The following IL23R variants were observed in gnomAD, a reference collection of about 807,000 sequenced individuals.
IL23R encodes the protein interleukin 23 receptor, also known as interleukin-23 receptor.
A neutral mutation model predicts 56.9 loss-of-function variants in IL23R; 34 were observed. The observed-to-expected ratio is 0.60, with a 90% CI of 0.45 to 0.80. The LOEUF is 0.80. Ranked by LOEUF, IL23R falls within the 30% of genes least tolerant of loss-of-function variation. The pLI is 0.00. For synonymous variants in IL23R, 230 were observed against 249.2 expected (o/e 0.92, Z 0.73); for missense variants, 635 against 730.0 (o/e 0.87, Z 1.50).
chr1:67,264,646 G>A (rs1206110960), downstream of IL23R, among the ~76,000 whole-genome samples: 1 of 152,174 alleles, frequency 6.6e-6, no homozygotes, highest in African/African-American at 2.4e-5. Flanking sequence ...GTTATTATGT[G>A]TCTTTCCTAC....
At chr1:67,162,710 G>A (rs918003350), upstream of IL23R, among the ~76,000 whole-genome samples, 1 of 152,182 alleles carries the variant, frequency 6.6e-6, no homozygotes, top group Non-Finnish European at 1.5e-5. Context: ...TATCCAAGGA[G>A]CCCTCCCTAA....
chr1:67,236,322 C>T (rs893844141), intron 7 of IL23R, among the ~76,000 whole-genome samples: 5 of 152,196 alleles, frequency 3.3e-5, no homozygotes, highest in Non-Finnish European at 5.9e-5. Flanking sequence ...TGGGGACCCT[C>T]AAGGAAATCT....
downstream of IL23R, among the ~76,000 whole-genome samples, chr1:67,261,002 T>C (rs1444465979): frequency 6.6e-6 from 1 of 152,218 alleles, no homozygotes; most frequent in Non-Finnish European, 1.5e-5. Flanking sequence ...TTAATTTTAT[T>C]ATGAAAAATC....
At chr1:67,199,373 C>T (rs1262068712) in intron 4 of IL23R, among the ~76,000 whole-genome samples, 1 of 152,160 alleles carries the variant, frequency 6.6e-6, no homozygotes, top group Non-Finnish European at 1.5e-5. Context: ...TGACTCCTCC[C>T]CACCACTCCA....
chr1:67,156,205 C>T (rs1646768651), intron 1 of IL23R, among the ~76,000 whole-genome samples: 1 of 152,186 alleles, frequency 6.6e-6, no homozygotes, highest in Non-Finnish European at 1.5e-5. Context: ...CCAGCCAGAG[C>T]TCTCCTGTAT....
intron 2 of IL23R, among the ~76,000 whole-genome samples, chr1:67,168,671 A>G (rs977345466): frequency 2.0e-5 from 3 of 152,206 alleles, no homozygotes; most frequent in Admixed American, 2.0e-4. Flanking sequence ...AGATTGGTTG[A>G]GTAGCTAGAG....
At chr1:67,184,213 C>A (rs1417868286) in intron 4 of IL23R, among the ~76,000 whole-genome samples, 1 of 151,298 alleles carries the variant, frequency 6.6e-6, no homozygotes, top group African/African-American at 2.4e-5. Context: ...CCAGCCTGGG[C>A]GAAAGAGCGA....
chr1:67,153,032 C>T (rs1271899717), intron 1 of IL23R, among the ~76,000 whole-genome samples: 1 of 152,156 alleles, frequency 6.6e-6, no homozygotes, highest in East Asian at 1.9e-4. Context: ...GGTAGCAGCT[C>T]CTCTTTGTAC....
chr1:67,218,948 A>T (rs1027076936), intron 6 of IL23R, among the ~76,000 whole-genome samples: 4 of 151,166 alleles, frequency 2.6e-5, no homozygotes, highest in Admixed American at 1.3e-4. Flanking sequence ...TAAAATAAAA[A>T]ATATATATAT....
At chr1:67,148,182 C>G (rs1174628422) in intron 1 of IL23R, among the ~76,000 whole-genome samples, 1 of 152,252 alleles carries the variant, frequency 6.6e-6, no homozygotes, top group Non-Finnish European at 1.5e-5. Flanking sequence ...CAGTGTACAC[C>G]CTGCCGGATC....
At chr1:67,164,041 C>CA (rs945304199), upstream of IL23R, among the ~76,000 whole-genome samples, 1 of 151,792 alleles carries the variant, frequency 6.6e-6, no homozygotes, top group African/African-American at 2.4e-5. Context: ...AAAAGCTCAG[C>CA]AAAGAAAACA....
At chr1:67,148,940 G>A (rs1265678859) in intron 1 of IL23R, among the ~76,000 whole-genome samples, 1 of 152,124 alleles carries the variant, frequency 6.6e-6, no homozygotes, top group African/African-American at 2.4e-5. Context: ...ATGGAGTACA[G>A]CCACTCTAGT....
At chr1:67,204,220 C>T (rs560029678) in intron 5 of IL23R, among the ~76,000 whole-genome samples, 3 of 152,216 alleles carry the variant, frequency 2.0e-5, no homozygotes, top group East Asian at 1.9e-4. Flanking sequence ...CCAGCCACCT[C>T]GCCCCGCTAA....
chr1:67,218,354 G>GTATATATATATATA (rs776016660), intron 6 of IL23R, among the ~76,000 whole-genome samples: 14 of 128,516 alleles, frequency 1.1e-4, no homozygotes, highest in Non-Finnish European at 3.3e-5. Flanking sequence ...GTGTGTGTGT[G>GTATATATATATATA]TGTGTATATA....
intron 9 of IL23R, among the ~76,000 whole-genome samples, chr1:67,243,206 C>G (rs1238696478): frequency 6.6e-6 from 1 of 152,134 alleles, no homozygotes. Flanking sequence ...GTGCATAGCA[C>G]TGATAACTGA....
chr1:67,230,536 T>C (rs568157856), intron 7 of IL23R, among the ~76,000 whole-genome samples: 2 of 136,694 alleles, frequency 1.5e-5, no homozygotes, highest in South Asian at 6.6e-4. Flanking sequence ...GCTTTTTGCC[T>C]TTTCCTCCTC....
At chr1:67,264,141 G>A (rs1247814426), downstream of IL23R, among the ~76,000 whole-genome samples, 1 of 152,122 alleles carries the variant, frequency 6.6e-6, no homozygotes, top group Non-Finnish European at 1.5e-5. Flanking sequence ...GCAGGCTCAG[G>A]GGACCAAAAC....
intron 4 of IL23R, among the ~76,000 whole-genome samples, chr1:67,183,983 C>T (rs969079638): frequency 6.6e-6 from 1 of 152,210 alleles, no homozygotes; most frequent in Non-Finnish European, 1.5e-5. Context: ...CCTGTAATCC[C>T]AGCACTTTGG....
chr1:67,219,018 CATAT>C (rs1449863940), intron 6 of IL23R, among the ~76,000 whole-genome samples: 1 of 151,218 alleles, frequency 6.6e-6, no homozygotes, highest in East Asian at 1.9e-4. Context: ...TATATATACA[CATAT>C]ATATAATATC....
Sources: allele counts gnomAD v4.1 joint callset (sites outside exome capture counted in the v4.1 genomes callset), GRCh38; gene constraint gnomAD v4.1.1; transcripts MANE v1.5; gene names NCBI Gene and HGNC (gene_info 2026-07-23, HGNC 2026-07-21).